COL6A6: variants seen among roughly 807,000 people sequenced by gnomAD.
COL6A6 encodes collagen type VI alpha 6 chain, also known as collagen alpha-6(VI) chain.
A neutral mutation model predicts 208.6 loss-of-function variants in COL6A6; 183 were observed. The observed-to-expected ratio is 0.88, with a 90% CI of 0.78 to 0.99. COL6A6 has a LOEUF of 0.99. Among genes scored for constraint, COL6A6 ranks in the 50% least tolerant of loss-of-function variants. COL6A6 has a pLI of 0.00. For missense variants in COL6A6, 2,816 were observed against 2,815.2 expected, an observed-to-expected ratio of 1.00 and a Z score of -0.01; for synonymous variants, 973 against 1,011.8, an observed-to-expected ratio of 0.96 and a Z score of 0.73.
chr3:130,635,896 T>TG, intron 28 of COL6A6, 135 bp downstream of exon 28: 3 of 650,080 alleles, frequency 4.6e-6, no homozygotes. Flanking sequence ...AAGGCAAACT[T>TG]GGGGAAGGGG....
intron 27 of COL6A6, among the ~76,000 whole-genome samples, 170 bp downstream of exon 27, chr3:130,634,795 T>C (rs934643987): frequency 1.3e-5 from 2 of 152,212 alleles, no homozygotes; most frequent in Non-Finnish European, 2.9e-5. Context: ...TTTAAGATTA[T>C]ACATTTGTTT....
In COL6A6 at chr3:130,566,727, C is replaced by T; in HGVS notation, c.1308C>T (p.Asp436=). The change falls in exon 5 of 37, where the codon GAC becomes GAT. Residue 436 remains aspartate, a synonymous_variant. Coordinates refer to ENST00000358511, the MANE Select transcript of COL6A6 (RefSeq NM_001102608.3). The part of the protein sequence containing the change: ...KSGCVDTEEA[D]IYLLIDGSGS... ...GTTGTGTGGACACTGAGGAAGCAGA[C>T]ATCTATCTGCTTATCGATGGCTCAG... The T allele has an allele frequency of 3.1e-6, 5 of 1,610,892 alleles. No individual in the cohort carries two copies. Among genetic ancestry groups the T allele is most frequent in the Non-Finnish European group, 3.4e-6 (4 of 1,178,080 alleles).
chr3:130,533,560 G>T (rs1392844195), intron 1 of COL6A6, among the ~76,000 whole-genome samples: 1 of 151,902 alleles, frequency 6.6e-6, no homozygotes, highest in Non-Finnish European at 1.5e-5. Context: ...TGTTTGTTCA[G>T]ACTTTTTAAA....
chr3:130,667,363 A>G lies in COL6A6; in HGVS notation c.6596+2267A>G, dbSNP rs1480407487. Among the ~76,000 whole-genome samples the G allele has an allele frequency of 2.0e-5, 3 of 152,116 alleles. No individual in the cohort carries two copies. In the South Asian group the frequency reaches 6.2e-4, roughly 31 times the overall value. Reference sequence around the variant, plus strand: ...GCAATTCTCCTGCCTCAGCCTCCCAAGTAGCTGGGATTACAGGTGTGCACC... The same window carrying G: ...GCAATTCTCCTGCCTCAGCCTCCCAGGTAGCTGGGATTACAGGTGTGCACC... On this transcript the variant is annotated intron_variant, in intron 36 of 36. Coordinates refer to ENST00000358511, the MANE Select transcript of COL6A6 (RefSeq NM_001102608.3).
intron 31 of COL6A6, among the ~76,000 whole-genome samples, chr3:130,644,595 A>T (rs149673506): frequency 3.7e-4 from 56 of 152,314 alleles, no homozygotes; most frequent in African/African-American, 1.2e-3. Flanking sequence ...ATTTGTGTGT[A>T]TGTGTGTACA....
intron 1 of COL6A6, among the ~76,000 whole-genome samples, chr3:130,533,546 T>C (rs1270969647): frequency 1.3e-5 from 2 of 152,206 alleles, no homozygotes; most frequent in Non-Finnish European, 2.9e-5. Flanking sequence ...ATAACATCTT[T>C]CAATGTTTGT....
At chr3:130,673,217 CAAA>C (rs1211498711) in intron 36 of COL6A6, among the ~76,000 whole-genome samples, 2 of 57,632 alleles carry the variant, frequency 3.5e-5, no homozygotes, top group African/African-American at 3.0e-4. Context: ...ACAAAAAAAA[CAAA>C]AAAAAAAAAC....
intron 34 of COL6A6, among the ~76,000 whole-genome samples, chr3:130,659,845 G>A (rs1420190623): frequency 6.6e-6 from 1 of 152,230 alleles, no homozygotes; most frequent in East Asian, 1.9e-4. Context: ...TAGTAATTCT[G>A]AGGGAGAAGT....
At chr3:130,622,244 CTT>C (rs1299656739) in intron 24 of COL6A6, among the ~76,000 whole-genome samples, 1 of 127,810 alleles carries the variant, frequency 7.8e-6, no homozygotes, top group Non-Finnish European at 1.6e-5. Flanking sequence ...TTCACACAAA[CTT>C]TTGGTAAGCA....
intron 21 of COL6A6, among the ~76,000 whole-genome samples, 190 bp downstream of exon 21, chr3:130,607,156 A>T (rs904418387): frequency 2.0e-5 from 3 of 152,236 alleles, no homozygotes; most frequent in Admixed American, 2.0e-4. Context: ...CTTTGGTCAA[A>T]AACCATAAAA....
intron 2 of COL6A6, among the ~76,000 whole-genome samples, chr3:130,561,660 T>TTG (rs2062887409): frequency 2.0e-5 from 1 of 51,150 alleles, no homozygotes; most frequent in African/African-American, 5.4e-5. Context: ...TTTTTTTTTT[T>TTG]TTTGAGACGG....
At position 130,568,218 on chromosome 3, in the gene COL6A6, A is replaced by G. The variant is rs1294402887; in HGVS notation, c.2015A>G (p.Glu672Gly). The G allele has an allele frequency of 2.5e-6, 4 of 1,613,922 alleles. No individual in the cohort carries two copies. Among genetic ancestry groups the G allele is most frequent in the African/African-American group, 2.7e-5 (2 of 74,930 alleles). The change falls in exon 6 of 37, where the codon GAA becomes GGA. Residue 672 changes from glutamate to glycine, a missense_variant. By Grantham distance (98) the Glu-to-Gly change is moderately conservative. Transcript: ENST00000358511. Reference protein sequence around the residue: ...GVVQFSDINKEEFQLNRFMSQ... With the variant: ...GVVQFSDINKGEFQLNRFMSQ... ...GTCCAGTTCAGCGACATCAATAAGG[A>G]AGAGTTTCAGCTCAACAGATTCATG...
At chr3:130,594,162 A>G (rs2063788029) in intron 17 of COL6A6, 119 bp from the exon 18 acceptor site, 1 of 822,138 alleles carries the variant, frequency 1.2e-6, no homozygotes, top group East Asian at 2.7e-5. Context: ...TTCCAGCTTA[A>G]AAATAGCCTT....
At chr3:130,620,235 G>A (rs2064670722) in intron 23 of COL6A6, among the ~76,000 whole-genome samples, 3 of 152,152 alleles carry the variant, frequency 2.0e-5, no homozygotes, top group African/African-American at 4.8e-5. Flanking sequence ...GTGTAGAAGT[G>A]ATATGTGAAT....
chr3:130,591,224 C>G (rs2063708042), intron 13 of COL6A6, 130 bp downstream of exon 13: 5 of 759,040 alleles, frequency 6.6e-6, no homozygotes, highest in Non-Finnish European at 9.0e-6. Flanking sequence ...CTCAGATCTT[C>G]TTTTGTCCTC....
intron 23 of COL6A6, among the ~76,000 whole-genome samples, chr3:130,616,756 G>A (rs1322474835): frequency 2.0e-5 from 3 of 152,138 alleles, no homozygotes; most frequent in African/African-American, 4.8e-5. Flanking sequence ...GCATAGCACA[G>A]TGGTAAATGG....
chr3:130,574,189 A>G lies in COL6A6; in HGVS notation c.3211A>G (p.Lys1071Glu). Residue 1071 changes from lysine (K) to glutamate (E), a missense_variant, in exon 8 of 37, where the codon AAG becomes GAG. Physicochemically the swap from Lys to Glu is moderately conservative, Grantham distance 56. Transcript: ENST00000358511. ...KEISFQIENI[K>E]QIFGNTHIGA... ...GATATCATTTCAGATTGAAAACATC[A>G]AGCAGATCTTTGGAAACACACACAT... 6.2e-7 allele frequency: 1 copy of G among 1,614,012 alleles called. No individual in the cohort carries two copies. The highest frequency in any genetic ancestry group is 1.1e-5 in the South Asian group (1 of 91,084).
chr3:130,530,938 T>G (rs2062066573), intron 1 of COL6A6, among the ~76,000 whole-genome samples: 1 of 152,044 alleles, frequency 6.6e-6, no homozygotes. Flanking sequence ...TCCGCAAATT[T>G]GGGACTTGTC....
At chr3:130,672,547 T>G (rs538921585) in intron 36 of COL6A6, among the ~76,000 whole-genome samples, 3 of 151,898 alleles carry the variant, frequency 2.0e-5, no homozygotes, top group East Asian at 3.9e-4. Flanking sequence ...GGATTACAGA[T>G]GTGTACCACC....
Sources: allele counts gnomAD v4.1 joint callset (sites outside exome capture counted in the v4.1 genomes callset), GRCh38; gene constraint gnomAD v4.1.1; transcripts MANE v1.5; gene names NCBI Gene and HGNC (gene_info 2026-07-23, HGNC 2026-07-21).